Variants in FAM167A observed in about 807,000 individuals in gnomAD.
The protein encoded by FAM167A is family with sequence similarity 167 member A.
A neutral mutation model predicts 14.9 loss-of-function variants in FAM167A; 23 were observed. That is an observed-to-expected ratio of 1.55 (90% CI 1.11 to 2.19). The LOEUF is 2.19. FAM167A is among the 30% of genes most tolerant of loss of function. The probability of loss-of-function intolerance (pLI) is 0.00; values close to 1 mark genes in which losing one functional copy is unlikely to be tolerated. For missense variants in FAM167A, 401 were observed against 281.5 expected (o/e 1.42, Z -3.04); for synonymous variants, 174 against 117.7 (o/e 1.48, Z -3.10).
At chr8:11,460,943 T>G (rs1240906052) in intron 1 of FAM167A, among the ~76,000 whole-genome samples, 1 of 152,228 alleles carries the variant, frequency 6.6e-6, no homozygotes, top group African/African-American at 2.4e-5. Flanking sequence ...GCTGAATAAT[T>G]GATGGGCTCA....
chr8:11,456,397 G>GAGTGTC (rs1807307033), intron 1 of FAM167A, among the ~76,000 whole-genome samples: 1 of 111,406 alleles, frequency 9.0e-6, no homozygotes, highest in Non-Finnish European at 2.0e-5. Flanking sequence ...GTGTGTGTGT[G>GAGTGTC]AGTGTGGGGG....
chr8:11,473,213 A>C (rs920674736), intron 1 of FAM167A, among the ~76,000 whole-genome samples: 2 of 152,196 alleles, frequency 1.3e-5, no homozygotes, highest in Middle Eastern at 3.2e-3. Flanking sequence ...GGCTCATTTC[A>C]TCTCCATCGG....
chr8:11,453,876 A>T (rs1049591153), intron 1 of FAM167A, among the ~76,000 whole-genome samples: 9 of 152,168 alleles, frequency 5.9e-5, no homozygotes, highest in African/African-American at 2.2e-4. Context: ...CATGCAGCAA[A>T]CCGAGGTGGC....
At chr8:11,442,779 A>G (rs1222019474) in intron 2 of FAM167A, among the ~76,000 whole-genome samples, 1 of 152,026 alleles carries the variant, frequency 6.6e-6, no homozygotes, top group Non-Finnish European at 1.5e-5. Flanking sequence ...CGAAGCCGAC[A>G]GCACATGCAC....
At chr8:11,436,700 G>A (rs1436167718) in intron 2 of FAM167A, among the ~76,000 whole-genome samples, 2 of 152,310 alleles carry the variant, frequency 1.3e-5, no homozygotes, top group East Asian at 1.9e-4. Context: ...ATGGAGTGCC[G>A]AAGTGCCCTG....
intron 2 of FAM167A, among the ~76,000 whole-genome samples, chr8:11,432,316 C>G (rs1805661884): frequency 6.6e-6 from 1 of 152,186 alleles, no homozygotes; most frequent in African/African-American, 2.4e-5. Context: ...TTTTTGCAAT[C>G]TATCCATCTG....
intron 1 of FAM167A, among the ~76,000 whole-genome samples, chr8:11,473,626 G>A (rs948281214): frequency 6.6e-6 from 1 of 152,186 alleles, no homozygotes; most frequent in African/African-American, 2.4e-5. Context: ...TGGGGAGGAA[G>A]TGTACGCAGT....
chr8:11,473,255 G>A lies in FAM167A; in HGVS notation c.-398+2611C>T, dbSNP rs1021158176. ...CCTGATGATACCTTGAGAAACCAAG[G>A]TGCAGAGGACAGACTGATGAACACT... On this transcript the variant is annotated intron_variant, in intron 1 of 1. Transcript: ENST00000648766. Among the ~76,000 whole-genome samples the A allele has an allele frequency of 6.6e-5, 10 of 152,338 alleles. No homozygotes were observed. The South Asian group carries it at 2.1e-3, about 32-fold the overall frequency.
At chr8:11,469,580 T>G (rs1321036572), upstream of FAM167A, among the ~76,000 whole-genome samples, 2 of 152,068 alleles carry the variant, frequency 1.3e-5, no homozygotes, top group African/African-American at 4.8e-5. Flanking sequence ...TCAAGAAAAA[T>G]GCCCAACCAG....
At chr8:11,452,647 C>T (rs976383042) in intron 1 of FAM167A, among the ~76,000 whole-genome samples, 1 of 152,238 alleles carries the variant, frequency 6.6e-6, no homozygotes, top group Non-Finnish European at 1.5e-5. Flanking sequence ...AAGAGGTGCA[C>T]TAACCCTATT....
chr8:11,450,644 T>C (rs35161715), intron 1 of FAM167A, among the ~76,000 whole-genome samples: 2 of 152,072 alleles, frequency 1.3e-5, no homozygotes, highest in Non-Finnish European at 2.9e-5. Flanking sequence ...AAGCCTTTTA[T>C]GCTGGACCCT....
At chr8:11,440,942 C>T (rs933445160) in intron 2 of FAM167A, among the ~76,000 whole-genome samples, 5 of 152,230 alleles carry the variant, frequency 3.3e-5, no homozygotes, top group African/African-American at 1.2e-4. Context: ...TTGACTGAGA[C>T]TTAAATAGAG....
At position 11,422,373 on chromosome 8, in the gene FAM167A, G is replaced by GTGTGTGTGT. The variant is rs1554521058; in HGVS notation, c.*1999_*2000insACACACACA. Reference sequence around the variant, plus strand: ...TCTCTGTCGTGTGTGTGTGTGTGGGGGTGTGTGTGTGTGTGTGTGTGTGTG... The same window carrying GTGTGTGTGT: ...TCTCTGTCGTGTGTGTGTGTGTGGGGTGTGTGTGTGTGTGTGTGTGTGTGTGTGTGTGTG... On this transcript the variant is annotated 3_prime_UTR_variant, in exon 3 of 3. Coordinates refer to ENST00000284486, the MANE Select transcript of FAM167A (RefSeq NM_053279.3). 0.023 allele frequency: 2,723 copies of GTGTGTGTGT among 120,320 alleles called. 46 individuals are homozygous for GTGTGTGTGT. The highest frequency in any genetic ancestry group is 0.035 in the Non-Finnish European group (1,919 of 55,320). 7.5% of individuals were successfully genotyped at this position (120,320 alleles called of 1,614,324 possible).
In FAM167A at chr8:11,444,278, G is replaced by A. The variant is rs1473183580; in HGVS notation, c.134C>T (p.Ser45Phe). 2 of 1,611,340 alleles carry A rather than the reference G, an allele frequency of 1.2e-6. No individual in the cohort carries two copies. The highest frequency in any genetic ancestry group is 1.7e-6 in the Non-Finnish European group (2 of 1,179,398). The change falls in exon 2 of 3, where the codon TCC becomes TTC. Residue 45 changes from serine to phenylalanine, a missense_variant. Physicochemically the swap from Ser to Phe is radical, Grantham distance 155 (BLOSUM62 -2). Coordinates refer to ENST00000284486, the MANE Select transcript of FAM167A (RefSeq NM_053279.3). ...EKLRLETRRP[S>F]YLEWQARLEE... ...CAGCCTGGCCTGCCATTCCAGGTAG[G>A]AGGGCCTGCGGGTCTCCAGCCTCAG... is the stretch of plus-strand genomic sequence containing the variant.
chr8:11,463,874 G>C (rs1011535531), intron 1 of FAM167A, among the ~76,000 whole-genome samples: 5 of 152,198 alleles, frequency 3.3e-5, no homozygotes, highest in African/African-American at 1.2e-4. Flanking sequence ...AGTGAAGAGA[G>C]CTTTGTGGTG....
chr8:11,472,436 G>GT (rs1807988677), upstream of FAM167A, among the ~76,000 whole-genome samples: 8 of 113,730 alleles, frequency 7.0e-5, no homozygotes, highest in African/African-American at 2.9e-4. Flanking sequence ...TTGTTTTTTG[G>GT]GTTTTTTTTT....
rs1585230697 is a variant in FAM167A, at chr8:11,428,990, C to G, written c.382-4354G>C. The stretch of plus-strand genomic sequence containing the variant: ...AAAATCCATACAACATAGAAGTTAT[C>G]ATCTTAACCATTTTTAAGTGTACAG... On this transcript the variant is annotated intron_variant, in intron 2 of 2. Coordinates refer to ENST00000284486, the MANE Select transcript of FAM167A (RefSeq NM_053279.3). 3.3e-5 allele frequency among the ~76,000 whole-genome samples: 5 copies of G among 152,260 alleles called. No individual in the cohort carries two copies. The South Asian group carries it at 1.0e-3, about 32-fold the overall frequency.
chr8:11,461,527 G>A (rs752098746), intron 1 of FAM167A, among the ~76,000 whole-genome samples: 27 of 152,228 alleles, frequency 1.8e-4, no homozygotes, highest in Non-Finnish European at 3.7e-4. Flanking sequence ...AGAATGCAGC[G>A]CAGGCCGGTA....
intron 1 of FAM167A, among the ~76,000 whole-genome samples, chr8:11,475,002 G>C (rs114934991): frequency 0.016 from 2,504 of 152,272 alleles, 75 homozygotes; most frequent in African/African-American, 0.058. Flanking sequence ...AAGTGTCCTG[G>C]AGTGAGGAGC....
Sources: allele counts gnomAD v4.1 joint callset (sites outside exome capture counted in the v4.1 genomes callset), GRCh38; gene constraint gnomAD v4.1.1; transcripts MANE v1.5; gene names NCBI Gene and HGNC (gene_info 2026-07-23, HGNC 2026-07-21).